The following C3orf20 variants were observed in gnomAD, a reference collection of about 807,000 sequenced individuals.
C3orf20 encodes the protein family with sequence similarity 149 member C.
C3orf20 carries 76 observed loss-of-function variants against 88.3 expected under a neutral mutation model. That is an observed-to-expected ratio of 0.86 (90% CI 0.72 to 1.04). The LOEUF is 1.04. C3orf20 is among the 50% of genes least tolerant of loss of function. The probability of loss-of-function intolerance (pLI) is 0.00; values close to 1 mark genes in which losing one functional copy is unlikely to be tolerated. For synonymous variants in C3orf20, 436 were observed against 437.4 expected, an observed-to-expected ratio of 1.00 and a Z score of 0.04; for missense variants, 1,056 against 1,123.3, an observed-to-expected ratio of 0.94 and a Z score of 0.86.
In C3orf20 at chr3:14,728,646, G is replaced by A. The variant is rs138616841; in HGVS notation, c.1898G>A (p.Arg633Gln). The A allele has an allele frequency of 7.4e-5, 119 of 1,612,526 alleles. No homozygotes were observed. The highest frequency in any genetic ancestry group is 1.3e-4 in the African/African-American group (10 of 74,404). ...GAGTCTGCTCCTGTGAGCCCAGTTC[G>A]GAAGACCACCAAAATCCACACCAAA... ...EPESAPVSPV[R>Q]KTTKIHTKAK... The change falls in exon 12 of 17, where the codon CGG (arginine) becomes CAG (glutamine). Residue 633 changes from arginine to glutamine, a missense_variant. Transcript: ENST00000253697.
intron 15 of C3orf20, among the ~76,000 whole-genome samples, chr3:14,763,274 A>G (rs2035610640): frequency 6.6e-6 from 1 of 152,100 alleles, no homozygotes; most frequent in Non-Finnish European, 1.5e-5. Context: ...TTGAACATTT[A>G]TTTCCCACTG....
intron 12 of C3orf20, among the ~76,000 whole-genome samples, chr3:14,756,447 A>G (rs998692613): frequency 1.3e-4 from 20 of 152,174 alleles, no homozygotes; most frequent in African/African-American, 4.6e-4. Flanking sequence ...TGGAACTTGC[A>G]TTCTAGTAGG....
intron 5 of C3orf20, among the ~76,000 whole-genome samples, chr3:14,700,534 C>T (rs924333430): frequency 6.6e-6 from 1 of 152,170 alleles, no homozygotes. Context: ...CTCAAGGACT[C>T]GGGGGATTGC....
intron 13 of C3orf20, among the ~76,000 whole-genome samples, 192 bp from the exon 14 acceptor site, chr3:14,759,699 G>A (rs763401917): frequency 3.3e-5 from 5 of 152,138 alleles, no homozygotes; most frequent in African/African-American, 7.2e-5. Context: ...TCAGATCCAG[G>A]GACATCCTCA....
chr3:14,757,959 T>C (rs1226240177), intron 13 of C3orf20, among the ~76,000 whole-genome samples: 1 of 152,226 alleles, frequency 6.6e-6, no homozygotes, highest in Non-Finnish European at 1.5e-5. Flanking sequence ...CACTGTCCTT[T>C]CCTTCCAGTT....
chr3:14,706,435 G>A (rs1201994868), intron 7 of C3orf20, among the ~76,000 whole-genome samples: 1 of 151,460 alleles, frequency 6.6e-6, no homozygotes, highest in Non-Finnish European at 1.5e-5. Flanking sequence ...TCTTCTATCA[G>A]GGGCATCAGA....
intron 9 of C3orf20, 99 bp from the exon 10 acceptor site, chr3:14,721,554 C>T: frequency 6.7e-7 from 1 of 1,501,384 alleles, no homozygotes; most frequent in Non-Finnish European, 9.0e-7. Context: ...AATCTTCTGC[C>T]CCAAGCCAAC....
intron 12 of C3orf20, among the ~76,000 whole-genome samples, chr3:14,741,049 AC>A: frequency 6.6e-6 from 1 of 152,242 alleles, no homozygotes; most frequent in East Asian, 1.9e-4. Flanking sequence ...TGTATGAAAA[AC>A]CGTAGACATA....
intron 5 of C3orf20, among the ~76,000 whole-genome samples, chr3:14,699,762 G>T (rs1013168331): frequency 6.6e-6 from 1 of 152,182 alleles, no homozygotes; most frequent in African/African-American, 2.4e-5. Context: ...TGCCCCAGCT[G>T]GTGTCTCAGT....
chr3:14,762,011 T>A (rs1006010900), intron 15 of C3orf20, among the ~76,000 whole-genome samples: 7 of 152,194 alleles, frequency 4.6e-5, no homozygotes, highest in Non-Finnish European at 7.4e-5. Flanking sequence ...ACACCCCCTC[T>A]CTGTCCCACC....
chr3:14,686,051 G>T (rs150686466), intron 4 of C3orf20, among the ~76,000 whole-genome samples: 1 of 151,916 alleles, frequency 6.6e-6, no homozygotes, highest in African/African-American at 2.4e-5. Flanking sequence ...TAGTAGAGAC[G>T]GGGTTTCACC....
chr3:14,756,075 T>C (rs1184274552), intron 12 of C3orf20, among the ~76,000 whole-genome samples: 2 of 150,706 alleles, frequency 1.3e-5, no homozygotes, highest in Non-Finnish European at 1.5e-5. Flanking sequence ...AAAGAGTTTC[T>C]GTCCTGCCTG....
At chr3:14,683,587 A>G (rs775272475) in intron 3 of C3orf20, among the ~76,000 whole-genome samples, 2 of 151,934 alleles carry the variant, frequency 1.3e-5, no homozygotes, top group African/African-American at 2.4e-5. Flanking sequence ...CATAAGAACC[A>G]GGGTCCCAGG....
rs768498125 is a variant in C3orf20 at position 14,757,386 on chromosome 3, G to A, written c.1956G>A (p.Glu652=). The A allele has an allele frequency of 5.0e-6, 8 of 1,611,292 alleles. No homozygotes were observed. The highest frequency in any genetic ancestry group is 6.8e-6 in the Non-Finnish European group (8 of 1,179,516). Residue 652 remains glutamate (E), a synonymous_variant, in exon 13 of 17, where the codon GAG becomes GAA. Transcript: ENST00000253697. ...CTCCTTGCAGAGGGAAGGCCCGCGA[G>A]GGGCGCAGCCCCACCAGGTGGGCGG... ...AKVTSRGKAR[E]GRSPTRWAAL...
chr3:14,684,055 G>C (rs1427149581), intron 3 of C3orf20, among the ~76,000 whole-genome samples, 187 bp from the exon 4 acceptor site: 1 of 152,040 alleles, frequency 6.6e-6, no homozygotes, highest in Non-Finnish European at 1.5e-5. Flanking sequence ...AAAGGGAGGA[G>C]AGCAAAGCGA....
intron 1 of C3orf20, among the ~76,000 whole-genome samples, chr3:14,679,527 C>T (rs1365733500): frequency 6.6e-6 from 1 of 152,204 alleles, no homozygotes; most frequent in African/African-American, 2.4e-5. Context: ...TGCTGCGCAG[C>T]TTGGCCACCT....
chr3:14,760,247 A>G (rs945469489), intron 14 of C3orf20, among the ~76,000 whole-genome samples: 6 of 152,256 alleles, frequency 3.9e-5, no homozygotes, highest in Non-Finnish European at 8.8e-5. Flanking sequence ...GGGACAGGTG[A>G]CATTCAACCT....
chr3:14,721,602 G>A (rs1559420014), intron 9 of C3orf20, 51 bp from the exon 10 acceptor site: 1 of 1,602,226 alleles, frequency 6.2e-7, no homozygotes, highest in Non-Finnish European at 8.5e-7. Context: ...GGAAGGGGTG[G>A]CTGGGGCCGT....
At chr3:14,759,808 A>C in intron 13 of C3orf20, 83 bp from the exon 14 acceptor site, 1 of 1,177,462 alleles carries the variant, frequency 8.5e-7, no homozygotes, top group Non-Finnish European at 1.3e-6. Flanking sequence ...CTCAGGGGGA[A>C]CCAGGCCTAG....
Sources: allele counts gnomAD v4.1 joint callset (sites outside exome capture counted in the v4.1 genomes callset), GRCh38; gene constraint gnomAD v4.1.1; transcripts MANE v1.5; gene names NCBI Gene and HGNC (gene_info 2026-07-23, HGNC 2026-07-21).